Variants in ADGRG4 observed in about 807,000 individuals in gnomAD.
ADGRG4 encodes the protein adhesion G protein-coupled receptor G4, also known as G protein-coupled receptor 112.
In ADGRG4, 122 loss-of-function variants were observed where a neutral mutation model predicts 126.2. The observed-to-expected ratio is 0.97, with a 90% CI of 0.83 to 1.12. ADGRG4 has a LOEUF of 1.12. Among genes scored for constraint, ADGRG4 ranks in the 50% most tolerant of loss-of-function variants. The pLI is 0.00. For missense variants in ADGRG4, 2,481 were observed against 2,251.8 expected (o/e 1.10, Z -2.06); for synonymous variants, 943 against 838.7 (o/e 1.12, Z -2.15).
intron 5 of ADGRG4, among the ~76,000 whole-genome samples, chrX:136,327,464 A>AAATAAT (rs201257685): frequency 0.47 from 45,748 of 97,343 alleles, 8,318 homozygotes; most frequent in East Asian, 0.66. Context: ...GTGGGAAATA[A>AAATAAT]AATAATAATA....
intron 12 of ADGRG4, 39 bp downstream of exon 12, chrX:136,361,626 A>C (rs773897783): frequency 9.6e-7 from 1 of 1,046,893 alleles, no homozygotes; most frequent in Admixed American, 2.5e-5. Context: ...ATTCAGATAT[A>C]CAAAGATCTA....
At chrX:136,357,036 T>C (rs1407632267) in intron 9 of ADGRG4, among the ~76,000 whole-genome samples, 1 of 112,122 alleles carries the variant, frequency 8.9e-6, no homozygotes, top group Non-Finnish European at 1.9e-5. Context: ...TAGTGCATAG[T>C]GCATTCCAAA....
At chrX:136,395,630 A>G (rs2047372945) in intron 19 of ADGRG4, 137 bp downstream of exon 19, 1 of 367,540 alleles carries the variant, frequency 2.7e-6, no homozygotes, top group Non-Finnish European at 4.7e-6. Flanking sequence ...TCCAAAGTAG[A>G]TCAGATTGAG....
chrX:136,371,600 C>A (rs45619634), intron 14 of ADGRG4, 56 bp downstream of exon 14: 2 of 670,709 alleles, frequency 3.0e-6, no homozygotes, highest in Non-Finnish European at 4.4e-6. Context: ...AAAATGCAGA[C>A]GGCCCTCTGT....
chrX:136,348,804 C>A lies in ADGRG4; in HGVS notation c.5098C>A (p.Leu1700Ile). The A allele has an allele frequency of 8.3e-7, 1 of 1,209,098 alleles. No individual in the cohort carries two copies. The highest frequency in any genetic ancestry group is 1.1e-6 in the Non-Finnish European group (1 of 894,479). The change falls in exon 6 of 26, where the codon CTA becomes ATA. Residue 1700 changes from leucine (L) to isoleucine (I), a missense_variant. Transcript: ENST00000394143. ...TCCAAAGACCACATTTTCACCATTT[C>A]TATCAGCAACTCAACAGTCATCACA... is the stretch of plus-strand genomic sequence containing the variant. Reference protein sequence around the residue: ...SIPKTTFSPFLSATQQSSQAD... With the variant: ...SIPKTTFSPFISATQQSSQAD...
rs370669725 is a variant in ADGRG4, at chrX:136,373,002, G to T, written c.7714G>T (p.Asp2572Tyr). 2 of 1,208,969 alleles carry T rather than the reference G, an allele frequency of 1.7e-6. No individual in the cohort carries two copies. The highest frequency in any genetic ancestry group is 3.5e-5 in the African/African-American group (2 of 56,962). ...GCTGGCTTTGGCTGTGCTGCGGGGG[G>T]ACCACACGTTTGATGGCATGGCTTT... is the stretch of plus-strand genomic sequence containing the variant. The part of the protein sequence containing the change: ...AGLALAVLRG[D>Y]HTFDGMAFSI... Residue 2572 changes from aspartate to tyrosine, a missense_variant, in exon 15 of 26, where the codon GAC becomes TAC. Asp to Tyr is a radical substitution (Grantham distance 160, BLOSUM62 -3). Transcript: ENST00000394143.
intron 15 of ADGRG4, among the ~76,000 whole-genome samples, chrX:136,377,169 T>G (rs1380394276): frequency 2.9e-5 from 1 of 34,326 alleles, no homozygotes; most frequent in Non-Finnish European, 6.1e-5. Flanking sequence ...TTTCTTTCCT[T>G]TTTTTTTTTT....
intron 13 of ADGRG4, among the ~76,000 whole-genome samples, chrX:136,370,766 T>A (rs1185338959): frequency 3.6e-5 from 4 of 111,948 alleles, no homozygotes; most frequent in Non-Finnish European, 7.5e-5. Flanking sequence ...CTTTCTACTT[T>A]TGTGTATGCT....
In ADGRG4 at chrX:136,359,387, A is replaced by G. The variant is rs759188069; in HGVS notation, c.7076A>G (p.His2359Arg). 28 of 1,207,115 alleles carry G rather than the reference A, an allele frequency of 2.3e-5. No individual in the cohort carries two copies. The highest frequency in any genetic ancestry group is 7.1e-5 in the South Asian group (4 of 56,510). The stretch of plus-strand genomic sequence containing the variant: ...AGTAAAATACATGGCAACTTCACAC[A>G]TGGAAACTTCACACAAGATCAATTG... ...IKSKIHGNFT[H>R]GNFTQDQLTL... The change falls in exon 11 of 26, where the codon CAT (histidine) becomes CGT (arginine). Residue 2359 changes from histidine to arginine, a missense_variant. By Grantham distance (29) the His-to-Arg change is conservative. Coordinates refer to ENST00000394143, the MANE Select transcript of ADGRG4 (RefSeq NM_153834.4).
chrX:136,384,048 C>T (rs1297812600), intron 15 of ADGRG4, among the ~76,000 whole-genome samples: 1 of 109,364 alleles, frequency 9.1e-6, no homozygotes, highest in African/African-American at 3.3e-5. Context: ...TGTGCCACCA[C>T]GCATGGGCTG....
rs780657701 is a variant in ADGRG4 at position 136,346,399 on chromosome X, A to G, written c.2693A>G (p.Asp898Gly). 1 of 1,210,793 alleles carries G rather than the reference A, an allele frequency of 8.3e-7. No individual in the cohort carries two copies. The highest frequency in any genetic ancestry group is 1.1e-6 in the Non-Finnish European group (1 of 894,697). Reference protein sequence around the residue: ...PDIEKLSTPLDNKTATTEVRE... With the variant: ...PDIEKLSTPLGNKTATTEVRE... ...ATAGAAAAGCTAAGTACCCCATTGG[A>G]TAATAAAACTGCAACAACTGAGGTG... The change falls in exon 6 of 26, where the codon GAT (aspartate) becomes GGT (glycine). Residue 898 changes from aspartate to glycine, a missense_variant. By Grantham distance (94) the Asp-to-Gly change is moderately conservative. Transcript: ENST00000394143.
intron 5 of ADGRG4, among the ~76,000 whole-genome samples, chrX:136,328,177 G>A (rs1443470131): frequency 9.0e-6 from 1 of 110,911 alleles, no homozygotes; most frequent in African/African-American, 3.3e-5. Flanking sequence ...GATTCTTTTG[G>A]GGGGAGGCTG....
intron 2 of ADGRG4, among the ~76,000 whole-genome samples, chrX:136,304,534 CA>C (rs890584959): frequency 1.8e-5 from 2 of 112,137 alleles, no homozygotes; most frequent in Non-Finnish European, 3.8e-5. Flanking sequence ...TTCATTTCAG[CA>C]AACATTAATT....
rs1054655233 is a variant in ADGRG4, at chrX:136,335,868, C to T, written c.686-8524C>T. ...TTCTTATTTTTAATTTCATTGAGTT[C>T]TTTTATGATCTTGCTTATTTTTTTA... On this transcript the variant is annotated intron_variant, in intron 5 of 25. Coordinates refer to ENST00000394143, the MANE Select transcript of ADGRG4 (RefSeq NM_153834.4). 1.5e-4 allele frequency among the ~76,000 whole-genome samples: 16 copies of T among 110,062 alleles called. No individual in the cohort carries two copies. In the South Asian group the frequency reaches 2.3e-3, roughly 16 times the overall value.
At chrX:136,357,006 A>G (rs1322179248) in intron 9 of ADGRG4, among the ~76,000 whole-genome samples, 2 of 112,012 alleles carry the variant, frequency 1.8e-5, no homozygotes, top group East Asian at 5.6e-4. Context: ...TGTCTCAAAA[A>G]ACAAACAAAC....
intron 23 of ADGRG4, among the ~76,000 whole-genome samples, chrX:136,408,754 A>C (rs2075429141): frequency 2.7e-5 from 3 of 111,778 alleles, no homozygotes; most frequent in Non-Finnish European, 5.6e-5. Flanking sequence ...TTGCTGAGTC[A>C]AATAGTAGCT....
chrX:136,345,904 C>G lies in ADGRG4; in HGVS notation c.2198C>G (p.Ser733Ter), dbSNP rs750711286. The change falls in exon 6 of 26, where the codon TCA becomes TGA. Residue 733 changes from serine (S) to a stop codon, truncating the protein, a stop_gained. Transcript: ENST00000394143. LOFTEE classifies it high-confidence loss of function. ...RYTTAVSKLTSPWFANFSIVS... is the reference protein window; with the variant it reads ...RYTTAVSKLT ...ACAACAGCTGTATCCAAATTGACAT[C>G]ACCATGGTTTGCTAATTTCTCCATA... The G allele has an allele frequency of 2.5e-6, 3 of 1,209,773 alleles. No individual in the cohort carries two copies. The highest frequency in any genetic ancestry group is 4.3e-5 in the Admixed American group (2 of 45,981).
In ADGRG4 at chrX:136,412,313, A is replaced by G. The variant is rs1316760712; in HGVS notation, c.8984A>G (p.Glu2995Gly). The G allele has an allele frequency of 5.0e-6, 6 of 1,203,122 alleles. No homozygotes were observed. Among genetic ancestry groups the G allele is most frequent in the Non-Finnish European group, 6.8e-6 (6 of 887,580 alleles). ...FHCVMKESVR[E>G]QWQIHLCCGW... ...TGTGTGATGAAGGAGAGTGTGCGGG[A>G]GCAGTGGCAGATACACCTCTGCTGT... Residue 2995 changes from glutamate (E) to glycine (G), a missense_variant, in exon 24 of 26, where the codon GAG (glutamate) becomes GGG (glycine). By Grantham distance (98) the Glu-to-Gly change is moderately conservative. Coordinates refer to ENST00000394143, the MANE Select transcript of ADGRG4 (RefSeq NM_153834.4).
Position 136,405,904 on chromosome X carries a change from C to T in ADGRG4, c.8867C>T (p.Ala2956Val). Residue 2956 changes from alanine (A) to valine (V), a missense_variant, in exon 23 of 26, where the codon GCA becomes GTA. Ala to Val is a moderately conservative substitution (Grantham distance 64, BLOSUM62 0). Coordinates refer to ENST00000394143, the MANE Select transcript of ADGRG4 (RefSeq NM_153834.4). ...TTACTTGGCCTCACCTGGGGGTTTG[C>T]ATTTTTTGCTTGGGGACCCATGAGG... is the stretch of plus-strand genomic sequence containing the variant. The part of the protein sequence containing the change: ...TFLLGLTWGF[A>V]FFAWGPMRNF... The T allele has an allele frequency of 8.5e-7, 1 of 1,180,666 alleles. No homozygotes were observed. The highest frequency in any genetic ancestry group is 1.1e-6 in the Non-Finnish European group (1 of 879,099).
Sources: allele counts gnomAD v4.1 joint callset (sites outside exome capture counted in the v4.1 genomes callset), GRCh38; gene constraint gnomAD v4.1.1; transcripts MANE v1.5; gene names NCBI Gene and HGNC (gene_info 2026-07-23, HGNC 2026-07-21).